The following HIVEP3 variants were observed in gnomAD, a reference collection of about 807,000 sequenced individuals.
HIVEP3 encodes the protein HIVEP zinc finger 3.
Under a neutral mutation model 152.8 loss-of-function variants are expected in HIVEP3, and 49 were observed. That is an observed-to-expected ratio of 0.32 (90% CI 0.26 to 0.41). The LOEUF is 0.41. Among genes scored for constraint, HIVEP3 ranks in the 10% least tolerant of loss-of-function variants. The pLI, the probability that HIVEP3 is intolerant of heterozygous loss-of-function variation, is 1.00. For missense variants in HIVEP3, 2,790 were observed against 3,103.3 expected, an observed-to-expected ratio of 0.90 and a Z score of 2.40; for synonymous variants, 1,269 against 1,289.0, an observed-to-expected ratio of 0.98 and a Z score of 0.33.
chr1:41,999,369 T>C (rs1645414139), intron 1 of HIVEP3, among the ~76,000 whole-genome samples: 2 of 152,082 alleles, frequency 1.3e-5, no homozygotes, highest in Middle Eastern at 3.4e-3. Flanking sequence ...AAGAAGTGAG[T>C]ATAAAAATTA....
intron 1 of HIVEP3, among the ~76,000 whole-genome samples, chr1:41,826,015 T>C (rs1162200195): frequency 6.6e-6 from 1 of 152,176 alleles, no homozygotes. Flanking sequence ...GATGTGAAGA[T>C]GTTGCCCAAA....
intron 1 of HIVEP3, among the ~76,000 whole-genome samples, chr1:41,828,658 T>C (rs1443519278): frequency 2.0e-5 from 3 of 152,166 alleles, no homozygotes; most frequent in Non-Finnish European, 2.9e-5. Context: ...ATTAGGAAAA[T>C]CTGTAAGAGC....
intron 1 of HIVEP3, among the ~76,000 whole-genome samples, chr1:41,842,557 G>T (rs992820860): frequency 6.6e-6 from 1 of 152,172 alleles, no homozygotes; most frequent in Non-Finnish European, 1.5e-5. Flanking sequence ...CAATCAGGAG[G>T]TCTTGGTGGA....
intron 1 of HIVEP3, among the ~76,000 whole-genome samples, chr1:41,934,057 G>C (rs909430938): frequency 6.6e-6 from 1 of 152,060 alleles, no homozygotes; most frequent in Non-Finnish European, 1.5e-5. Context: ...TTGTTCATAG[G>C]GGAGGTAGGC....
chr1:41,746,631 G>A (rs1227170620), intron 1 of HIVEP3, among the ~76,000 whole-genome samples: 4 of 152,174 alleles, frequency 2.6e-5, no homozygotes, highest in Non-Finnish European at 5.9e-5. Flanking sequence ...TAACCTATGA[G>A]TGGTCTGGTG....
At chr1:41,926,334 CT>C (rs1644968156) in intron 1 of HIVEP3, among the ~76,000 whole-genome samples, 1 of 152,176 alleles carries the variant, frequency 6.6e-6, no homozygotes, top group Admixed American at 6.5e-5. Flanking sequence ...ACATTTAGCC[CT>C]ATTATGTTTC....
chr1:41,949,552 C>T (rs1021657189), intron 1 of HIVEP3, among the ~76,000 whole-genome samples: 10 of 152,196 alleles, frequency 6.6e-5, no homozygotes, highest in African/African-American at 1.9e-4. Flanking sequence ...GAATCGTCAC[C>T]GAGAAAGTTA....
At chr1:41,752,170 C>T (rs1192059813) in intron 1 of HIVEP3, among the ~76,000 whole-genome samples, 1 of 152,178 alleles carries the variant, frequency 6.6e-6, no homozygotes, top group East Asian at 1.9e-4. Context: ...ACATCAGAAT[C>T]CAACGATCAG....
Position 41,513,726 on chromosome 1 carries a change from T to C in HIVEP3, c.5495A>G (p.Asp1832Gly), listed in dbSNP as rs752967432. The part of the protein sequence containing the change: ...EEGTSDDLFQ[D>G]SEGREGSEAV... ...CTCTGAACCCTCTCGTCCTTCCGAGTCCTGGAACAGGTCGTCACTGGTTCC... is the reference window on the plus strand; with the variant it reads ...CTCTGAACCCTCTCGTCCTTCCGAGCCCTGGAACAGGTCGTCACTGGTTCC... The change falls in exon 8 of 9, where the codon GAC becomes GGC. Residue 1832 changes from aspartate (D) to glycine (G), a missense_variant. Asp to Gly is a moderately conservative substitution (Grantham distance 94). Around this residue, in one of 9 missense-constraint regions of HIVEP3, gnomAD observed 816 missense variants for 806.5 expected, o/e 1.01. Transcript: ENST00000372583. The C allele has an allele frequency of 2.5e-6, 4 of 1,581,798 alleles. No homozygotes were observed. The South Asian group carries it at 4.7e-5, about 19-fold the overall frequency.
intron 5 of HIVEP3, among the ~76,000 whole-genome samples, chr1:41,545,316 AC>A (rs1643733650): frequency 7.0e-6 from 1 of 142,750 alleles, no homozygotes; most frequent in Non-Finnish European, 1.5e-5. Flanking sequence ...CACCATCGCT[AC>A]CATCGCCACC....
At chr1:41,742,975 C>G (rs975924368) in intron 1 of HIVEP3, among the ~76,000 whole-genome samples, 2 of 152,082 alleles carry the variant, frequency 1.3e-5, no homozygotes, top group South Asian at 4.1e-4. Flanking sequence ...AAATGGGGAT[C>G]GTAACAGAAC....
At chr1:41,697,397 G>A (rs948243883) in intron 2 of HIVEP3, among the ~76,000 whole-genome samples, 1 of 152,200 alleles carries the variant, frequency 6.6e-6, no homozygotes, top group African/African-American at 2.4e-5. Flanking sequence ...ACTCCTTAAG[G>A]GAGTGAGTTT....
intron 3 of HIVEP3, among the ~76,000 whole-genome samples, chr1:41,624,617 GC>G (rs1375898390): frequency 6.6e-6 from 1 of 152,242 alleles, no homozygotes; most frequent in Non-Finnish European, 1.5e-5. Flanking sequence ...ACACTCTGAA[GC>G]TTTCAATGAC....
At chr1:41,600,296 G>C (rs1002668925) in intron 3 of HIVEP3, among the ~76,000 whole-genome samples, 2 of 152,200 alleles carry the variant, frequency 1.3e-5, no homozygotes, top group Non-Finnish European at 2.9e-5. Context: ...ATTTACAACA[G>C]CCAAAGGTGG....
intron 1 of HIVEP3, among the ~76,000 whole-genome samples, chr1:41,861,038 C>T (rs1442726122): frequency 1.3e-5 from 2 of 152,194 alleles, no homozygotes; most frequent in Non-Finnish European, 2.9e-5. Flanking sequence ...TGCTGCCAGC[C>T]CCTCAGCACA....
Position 41,682,939 on chromosome 1 carries a change from C to T in HIVEP3, c.-721+17977G>A, listed in dbSNP as rs535572883. Reference sequence around the variant, plus strand: ...AGAAATGTGCACAAAAGTGCCACCACGGAAGATGGGGGAGGTCAGGGGAGA... The same window carrying T: ...AGAAATGTGCACAAAAGTGCCACCATGGAAGATGGGGGAGGTCAGGGGAGA... On this transcript the variant is annotated intron_variant, in intron 2 of 8. Transcript: ENST00000372583. Among the ~76,000 whole-genome samples the T allele has an allele frequency of 1.8e-4, 28 of 152,184 alleles. No homozygotes were observed. In the South Asian group the frequency reaches 4.8e-3, roughly 26 times the overall value.
At chr1:41,587,869 C>G (rs896009266) in intron 3 of HIVEP3, among the ~76,000 whole-genome samples, 1 of 152,192 alleles carries the variant, frequency 6.6e-6, no homozygotes, top group Non-Finnish European at 1.5e-5. Flanking sequence ...GCACTGCAGT[C>G]TATGGCCCCT....
At chr1:41,590,207 C>G (rs1354498271) in intron 3 of HIVEP3, among the ~76,000 whole-genome samples, 1 of 152,216 alleles carries the variant, frequency 6.6e-6, no homozygotes, top group Non-Finnish European at 1.5e-5. Context: ...CAAAGAGTCA[C>G]AGAAGGATGT....
intron 1 of HIVEP3, among the ~76,000 whole-genome samples, chr1:41,861,964 A>T (rs1207348639): frequency 6.6e-6 from 1 of 152,172 alleles, no homozygotes; most frequent in Non-Finnish European, 1.5e-5. Flanking sequence ...CAAAGCAAAT[A>T]TCTAAAGGGC....
Sources: allele counts gnomAD v4.1 joint callset (sites outside exome capture counted in the v4.1 genomes callset), GRCh38; gene constraint gnomAD v4.1.1; regional missense constraint gnomAD v4.1.1; transcripts MANE v1.5; gene names NCBI Gene and HGNC (gene_info 2026-07-23, HGNC 2026-07-21).